The following EPHB1 variants were observed in gnomAD, a reference collection of about 807,000 sequenced individuals.
The protein encoded by EPHB1 is ephrin type-B receptor 1.
EPHB1 carries 30 observed loss-of-function variants against 94.4 expected under a neutral mutation model. The ratio of observed to expected loss-of-function variants is 0.32; its 90% CI spans 0.24 to 0.43. The LOEUF (loss-of-function observed/expected upper bound fraction) is 0.43, where lower values mean the gene tolerates loss of function less well. Ranked by LOEUF, EPHB1 falls within the 20% of genes least tolerant of loss-of-function variation. The pLI is 1.00. For missense variants in EPHB1, 1,055 were observed against 1,308.3 expected (o/e 0.81, Z 2.99); for synonymous variants, 522 against 489.1 (o/e 1.07, Z -0.89).
intron 3 of EPHB1, among the ~76,000 whole-genome samples, chr3:134,977,151 T>C (rs1934222859): frequency 6.6e-6 from 1 of 152,174 alleles, no homozygotes; most frequent in East Asian, 1.9e-4. Context: ...ACCCACAATG[T>C]ACACTAGAGG....
At chr3:135,144,238 C>A (rs1940933744) in intron 5 of EPHB1, among the ~76,000 whole-genome samples, 1 of 152,200 alleles carries the variant, frequency 6.6e-6, no homozygotes, top group East Asian at 1.9e-4. Context: ...CCTCTCTTAT[C>A]TTCATTGCTC....
chr3:135,111,029 G>A (rs1193189654), intron 4 of EPHB1, among the ~76,000 whole-genome samples: 2 of 152,180 alleles, frequency 1.3e-5, no homozygotes, highest in African/African-American at 4.8e-5. Flanking sequence ...GCTTTGGTAT[G>A]ACAGAAACAG....
At chr3:135,148,954 A>C (rs1941102600) in intron 5 of EPHB1, among the ~76,000 whole-genome samples, 1 of 152,070 alleles carries the variant, frequency 6.6e-6, no homozygotes, top group South Asian at 2.1e-4. Flanking sequence ...TTTGAACCCT[A>C]GTTGATTTTT....
chr3:134,797,632 C>T (rs1006443204), intron 1 of EPHB1, among the ~76,000 whole-genome samples: 1 of 152,176 alleles, frequency 6.6e-6, no homozygotes, highest in Non-Finnish European at 1.5e-5. Flanking sequence ...CAGTTTCCTC[C>T]CTGCCCCTCT....
chr3:135,143,060 G>A (rs73862031), intron 5 of EPHB1, among the ~76,000 whole-genome samples: 6,382 of 152,044 alleles, frequency 0.042, 447 homozygotes, highest in African/African-American at 0.14. Flanking sequence ...CAAGGCAAAG[G>A]TGTCCTCAAG....
intron 4 of EPHB1, among the ~76,000 whole-genome samples, chr3:135,110,864 G>C (rs7374210): frequency 0.19 from 29,268 of 152,212 alleles, 3,923 homozygotes; most frequent in East Asian, 0.65. Context: ...CGACAGGGCA[G>C]TGGTGGGGTG....
chr3:135,038,072 A>G (rs1936705301), intron 3 of EPHB1, among the ~76,000 whole-genome samples: 1 of 152,160 alleles, frequency 6.6e-6, no homozygotes, highest in Admixed American at 6.5e-5. Flanking sequence ...TTCTCCCACT[A>G]TCCTCACCAG....
chr3:135,058,570 C>T (rs1270153911), intron 3 of EPHB1, among the ~76,000 whole-genome samples: 1 of 152,236 alleles, frequency 6.6e-6, no homozygotes, highest in African/African-American at 2.4e-5. Flanking sequence ...AGTCCACAAT[C>T]CTGAGGGTGC....
intron 2 of EPHB1, among the ~76,000 whole-genome samples, chr3:134,926,495 T>C (rs1488195830): frequency 6.6e-6 from 1 of 152,090 alleles, no homozygotes; most frequent in Non-Finnish European, 1.5e-5. Flanking sequence ...TTTTAGAGCA[T>C]GAGTAGGAGA....
chr3:134,851,259 CA>C (rs1317132179), intron 1 of EPHB1, among the ~76,000 whole-genome samples: 2 of 152,218 alleles, frequency 1.3e-5, no homozygotes, highest in African/African-American at 4.8e-5. Context: ...GACAGGTTTC[CA>C]AAAGTGACTA....
At chr3:134,927,877 C>G (rs1256822043) in intron 2 of EPHB1, among the ~76,000 whole-genome samples, 1 of 152,186 alleles carries the variant, frequency 6.6e-6, no homozygotes, top group Non-Finnish European at 1.5e-5. Context: ...CTGAGTCTGT[C>G]TAGTTTACAG....
At chr3:135,251,967 G>A (rs1462227676) in intron 15 of EPHB1, among the ~76,000 whole-genome samples, 2 of 152,132 alleles carry the variant, frequency 1.3e-5, no homozygotes, top group African/African-American at 4.8e-5. Flanking sequence ...TACCTACTGT[G>A]TGACCTTGAG....
chr3:134,827,268 G>A (rs931914438), intron 1 of EPHB1, among the ~76,000 whole-genome samples: 3 of 152,194 alleles, frequency 2.0e-5, no homozygotes, highest in Admixed American at 1.3e-4. Context: ...CCTTAGTCTA[G>A]TGCTTCTTCT....
At chr3:135,068,839 G>A (rs1156398218) in intron 3 of EPHB1, among the ~76,000 whole-genome samples, 3 of 150,914 alleles carry the variant, frequency 2.0e-5, no homozygotes, top group Non-Finnish European at 3.0e-5. Flanking sequence ...TAGTAGAGAC[G>A]GGGTTTCACC....
chr3:135,062,817 A>G lies in EPHB1; in HGVS notation c.806-43631A>G, dbSNP rs116517629. Among the ~76,000 whole-genome samples, 508 of 152,266 alleles carry G rather than the reference A, an allele frequency of 3.3e-3. 3 individuals are homozygous for G. Among genetic ancestry groups the G allele is most frequent in the African/African-American group, 0.012 (490 of 41,562 alleles). ...TATCTTCCAGGATTTTTATAGTTTC[A>G]GGTCTTGGATTTAAGTCCTTAATCC... is the stretch of plus-strand genomic sequence containing the variant. On this transcript the variant is annotated intron_variant, in intron 3 of 15. Transcript: ENST00000398015.
At chr3:135,098,862 A>G (rs1938914116) in intron 3 of EPHB1, among the ~76,000 whole-genome samples, 4 of 151,910 alleles carry the variant, frequency 2.6e-5, no homozygotes, top group Admixed American at 2.6e-4. Context: ...AAATACAAAA[A>G]TTAGTTAGGT....
intron 1 of EPHB1, among the ~76,000 whole-genome samples, chr3:134,820,219 A>C (rs1169832981): frequency 2.0e-5 from 3 of 152,156 alleles, no homozygotes; most frequent in African/African-American, 7.2e-5. Flanking sequence ...GACTACTCTC[A>C]TGGTCCCATC....
rs765674727 is a variant in EPHB1 at position 135,132,816 on chromosome 3, C to G, written c.1064C>G (p.Thr355Ser). The stretch of plus-strand genomic sequence containing the variant: ...GAGACAGGTGGGCGGGATGATGTGA[C>G]CTACAACATCATCTGCAAAAAGTGC... Reference protein sequence around the residue: ...PRETGGRDDVTYNIICKKCRA... With the variant: ...PRETGGRDDVSYNIICKKCRA... Residue 355 changes from threonine to serine, a missense_variant, in exon 5 of 16, where the codon ACC becomes AGC. Coordinates refer to ENST00000398015, the MANE Select transcript of EPHB1 (RefSeq NM_004441.5). 2 of 1,613,882 alleles carry G rather than the reference C, an allele frequency of 1.2e-6. No homozygotes were observed. The highest frequency in any genetic ancestry group is 4.5e-5 in the East Asian group (2 of 44,892).
intron 5 of EPHB1, among the ~76,000 whole-genome samples, chr3:135,136,704 G>A (rs780817514): frequency 6.6e-6 from 1 of 152,134 alleles, no homozygotes; most frequent in African/African-American, 2.4e-5. Flanking sequence ...TCACATTATA[G>A]TGGACTGTGT....
Sources: gnomAD v4.1 joint callset for allele counts (sites outside exome capture counted in the v4.1 genomes callset) on GRCh38, gnomAD v4.1.1 for gene constraint, MANE v1.5 for transcripts, NCBI Gene and HGNC (gene_info 2026-07-23, HGNC 2026-07-21) for gene names.